Variants in NELL1 observed in about 807,000 individuals in gnomAD.
NELL1 encodes the protein protein kinase C-binding protein NELL1.
Under a neutral mutation model 107.4 loss-of-function variants are expected in NELL1, and 76 were observed. That is an observed-to-expected ratio of 0.71 (90% CI 0.59 to 0.86). NELL1 has a LOEUF of 0.86. NELL1 is among the 40% of genes least tolerant of loss of function. The probability of loss-of-function intolerance (pLI) is 0.00; values close to 1 mark genes in which losing one functional copy is unlikely to be tolerated. For missense variants in NELL1, 1,024 were observed against 1,005.5 expected, an observed-to-expected ratio of 1.02 and a Z score of -0.25; for synonymous variants, 353 against 341.2, an observed-to-expected ratio of 1.03 and a Z score of -0.38.
chr11:20,697,107 A>G (rs994103608), intron 2 of NELL1, among the ~76,000 whole-genome samples: 2 of 152,198 alleles, frequency 1.3e-5, no homozygotes, highest in Non-Finnish European at 2.9e-5. Flanking sequence ...CAAATTTAGC[A>G]ACAAATTAGC....
At chr11:20,702,268 G>A (rs1854812987) in intron 2 of NELL1, among the ~76,000 whole-genome samples, 1 of 152,126 alleles carries the variant, frequency 6.6e-6, no homozygotes, top group African/African-American at 2.4e-5. Flanking sequence ...TCTCTTTGAA[G>A]CAATTATGAA....
At position 21,364,692 on chromosome 11, in the gene NELL1, G is replaced by A. The variant is rs1851174446; in HGVS notation, c.1550-6161G>A. ...AAATTTTATTTCATATTCTTCTAAA[G>A]TTAGCAATGCATAGTCTTAAACTGA... is the stretch of plus-strand genomic sequence containing the variant. On this transcript the variant is annotated intron_variant, in intron 14 of 19. Coordinates refer to ENST00000357134, the MANE Select transcript of NELL1 (RefSeq NM_006157.5). Among the ~76,000 whole-genome samples the A allele has an allele frequency of 2.0e-5, 3 of 152,090 alleles. 1 individual carries two copies. Among genetic ancestry groups the A allele is most frequent in the Admixed American group, 1.3e-4 (2 of 15,268 alleles).
intron 14 of NELL1, among the ~76,000 whole-genome samples, chr11:21,293,018 C>T (rs1201275254): frequency 2.6e-5 from 4 of 152,104 alleles, no homozygotes; most frequent in South Asian, 2.1e-4. Context: ...TAGGCATGGG[C>T]AAAGTCTTCA....
At chr11:20,789,878 G>T (rs1210926696) in intron 3 of NELL1, among the ~76,000 whole-genome samples, 2 of 152,118 alleles carry the variant, frequency 1.3e-5, no homozygotes, top group Non-Finnish European at 2.9e-5. Flanking sequence ...GCCCTAGAGT[G>T]GGTGGCTTCT....
intron 13 of NELL1, among the ~76,000 whole-genome samples, chr11:21,170,516 T>C (rs1435763475): frequency 6.6e-6 from 1 of 151,828 alleles, no homozygotes; most frequent in Non-Finnish European, 1.5e-5. Flanking sequence ...GCATGTTTTC[T>C]GTCACATTTA....
intron 13 of NELL1, among the ~76,000 whole-genome samples, chr11:21,138,947 T>G (rs79836497): frequency 0.046 from 6,961 of 152,290 alleles, 249 homozygotes; most frequent in Non-Finnish European, 0.067. Flanking sequence ...TCTATTTTAG[T>G]TAATTCAACT....
At chr11:20,787,318 G>T (rs1290367085) in intron 3 of NELL1, among the ~76,000 whole-genome samples, 1 of 152,020 alleles carries the variant, frequency 6.6e-6, no homozygotes, top group Non-Finnish European at 1.5e-5. Context: ...TGGAATGTAA[G>T]AAAATAGAGA....
intron 12 of NELL1, among the ~76,000 whole-genome samples, chr11:21,028,704 T>G (rs188293696): frequency 6.6e-6 from 1 of 152,230 alleles, no homozygotes; most frequent in Non-Finnish European, 1.5e-5. Flanking sequence ...CTTTTTTCTT[T>G]CCCTTTTCTT....
intron 15 of NELL1, among the ~76,000 whole-genome samples, chr11:21,374,925 G>GTGTGTA (rs1851439701): frequency 1.5e-5 from 2 of 134,616 alleles, no homozygotes; most frequent in African/African-American, 5.3e-5. Context: ...GTGTGTGTGT[G>GTGTGTA]TGTATGGTCT....
chr11:20,700,499 A>C lies in NELL1; in HGVS notation c.184+22439A>C, dbSNP rs34890234. 9.3e-3 allele frequency among the ~76,000 whole-genome samples: 1,406 copies of C among 150,940 alleles called. 23 individuals are homozygous for C. The highest frequency in any genetic ancestry group is 0.036 in the Admixed American group (542 of 15,160). On this transcript the variant is annotated intron_variant, in intron 2 of 19. Coordinates refer to ENST00000357134, the MANE Select transcript of NELL1 (RefSeq NM_006157.5). The stretch of plus-strand genomic sequence containing the variant: ...ATCTCAAAAAAGACAAAGAAAAAAA[A>C]ATATATATATTTCAATAAAATTTTT...
At chr11:20,901,530 G>A (rs571721843) in intron 5 of NELL1, among the ~76,000 whole-genome samples, 123 of 149,604 alleles carry the variant, frequency 8.2e-4, no homozygotes, top group Non-Finnish European at 1.4e-3. Flanking sequence ...GCTCTCTAGG[G>A]TCAATGAACT....
At chr11:20,839,613 A>G (rs1349980251) in intron 3 of NELL1, among the ~76,000 whole-genome samples, 1 of 152,208 alleles carries the variant, frequency 6.6e-6, no homozygotes, top group Non-Finnish European at 1.5e-5. Context: ...CTCAAAAGAA[A>G]TCTGTGAAGT....
intron 15 of NELL1, among the ~76,000 whole-genome samples, chr11:21,490,360 T>TGTCC (rs1854769042): frequency 6.6e-6 from 1 of 151,350 alleles, no homozygotes; most frequent in African/African-American, 2.4e-5. Flanking sequence ...ATGGCCATAC[T>TGTCC]GTCCAAAGAA....
At chr11:20,781,558 C>G (rs1056571437) in intron 2 of NELL1, among the ~76,000 whole-genome samples, 3 of 152,148 alleles carry the variant, frequency 2.0e-5, no homozygotes, top group African/African-American at 7.2e-5. Context: ...TTATGGCTGT[C>G]TTTTCTTTGG....
At chr11:21,377,725 G>T (rs1297177087) in intron 15 of NELL1, among the ~76,000 whole-genome samples, 2 of 152,016 alleles carry the variant, frequency 1.3e-5, no homozygotes, top group African/African-American at 4.8e-5. Flanking sequence ...ACTTGATATT[G>T]GTCTATTCAG....
chr11:20,889,914 A>G lies in NELL1; in HGVS notation c.603+4374A>G, dbSNP rs529783038. On this transcript the variant is annotated intron_variant, in intron 5 of 19. Coordinates refer to ENST00000357134, the MANE Select transcript of NELL1 (RefSeq NM_006157.5). ...ACAGTCTGTGTGGACCAGCAGACTT[A>G]GCCTCTTGTCTTGGTAATTCTGAAG... Among the ~76,000 whole-genome samples, 4 of 152,304 alleles carry G rather than the reference A, an allele frequency of 2.6e-5. No individual in the cohort carries two copies. In the South Asian group the frequency reaches 6.2e-4, roughly 24 times the overall value.
chr11:20,688,782 G>A (rs1854374585), intron 2 of NELL1, among the ~76,000 whole-genome samples: 1 of 152,096 alleles, frequency 6.6e-6, no homozygotes, highest in South Asian at 2.1e-4. Flanking sequence ...GTGAGTCAAT[G>A]GTGGTTCTGT....
At chr11:21,351,801 T>C (rs1440482235) in intron 14 of NELL1, among the ~76,000 whole-genome samples, 1 of 152,166 alleles carries the variant, frequency 6.6e-6, no homozygotes. Context: ...CCAAGTTCTA[T>C]TTTTCTTAAC....
At chr11:20,779,001 G>A (rs773771303) in intron 2 of NELL1, among the ~76,000 whole-genome samples, 2 of 152,020 alleles carry the variant, frequency 1.3e-5, no homozygotes, top group African/African-American at 2.4e-5. Flanking sequence ...ATGATGGTGT[G>A]ATTATGAGGA....
Sources: gnomAD v4.1 joint callset for allele counts (sites outside exome capture counted in the v4.1 genomes callset) on GRCh38, gnomAD v4.1.1 for gene constraint, MANE v1.5 for transcripts, NCBI Gene and HGNC (gene_info 2026-07-23, HGNC 2026-07-21) for gene names.